Variants in FMN1 observed in about 807,000 individuals in gnomAD.
FMN1 encodes the protein formin-1.
FMN1 carries 110 observed loss-of-function variants against 132.4 expected under a neutral mutation model. The observed-to-expected ratio is 0.83, with a 90% CI of 0.71 to 0.97. The LOEUF (loss-of-function observed/expected upper bound fraction) is 0.97, where lower values mean the gene tolerates loss of function less well. Among genes scored for constraint, FMN1 ranks in the 50% least tolerant of loss-of-function variants. The pLI is 0.00. For synonymous variants in FMN1, 722 were observed against 651.7 expected, an observed-to-expected ratio of 1.11 and a Z score of -1.64; for missense variants, 1,792 against 1,705.3, an observed-to-expected ratio of 1.05 and a Z score of -0.90.
At chr15:32,884,169 A>C (rs1000323901) in intron 16 of FMN1, among the ~76,000 whole-genome samples, 1 of 152,218 alleles carries the variant, frequency 6.6e-6, no homozygotes. Flanking sequence ...TAGGAGGCTT[A>C]AAACACCAGA....
At chr15:33,134,737 C>T (rs977180292) in intron 4 of FMN1, among the ~76,000 whole-genome samples, 1 of 152,224 alleles carries the variant, frequency 6.6e-6, no homozygotes, top group Non-Finnish European at 1.5e-5. Context: ...TGCGGTGGCT[C>T]ACGCCTATAA....
rs144112604 is a variant in FMN1 at position 32,936,842 on chromosome 15, C to T, written c.3139-10581G>A. Among the ~76,000 whole-genome samples the T allele has an allele frequency of 1.1e-3, 161 of 152,302 alleles. 1 individual carries two copies. The highest frequency in any genetic ancestry group is 3.7e-3 in the African/African-American group (152 of 41,576). ...GAAAAGGTGAAACACTAGACACAAGCTCCACTCTTCTTTCCCCTGCAGTCC... is the reference window on the plus strand; with the variant it reads ...GAAAAGGTGAAACACTAGACACAAGTTCCACTCTTCTTTCCCCTGCAGTCC... On this transcript the variant is annotated intron_variant, in intron 9 of 20. Transcript: ENST00000616417.
intron 9 of FMN1, among the ~76,000 whole-genome samples, chr15:32,934,602 T>C (rs2061213075): frequency 6.7e-6 from 1 of 149,022 alleles, no homozygotes; most frequent in Non-Finnish European, 1.5e-5. Context: ...TTTTTCCTTT[T>C]TTTTTTTTTT....
chr15:32,999,343 A>G (rs555809184), intron 7 of FMN1, among the ~76,000 whole-genome samples: 388 of 152,372 alleles, frequency 2.5e-3, no homozygotes, highest in Non-Finnish European at 3.9e-3. Context: ...CAGCTCAAAT[A>G]GAGTCTGCAC....
At chr15:32,897,711 A>G (rs1219544268) in intron 15 of FMN1, among the ~76,000 whole-genome samples, 2 of 152,222 alleles carry the variant, frequency 1.3e-5, no homozygotes, top group African/African-American at 4.8e-5. Flanking sequence ...AGAGCTGTGT[A>G]AAGAGGGTGT....
At chr15:32,877,561 G>T (rs140179429) in intron 16 of FMN1, among the ~76,000 whole-genome samples, 1 of 152,124 alleles carries the variant, frequency 6.6e-6, no homozygotes, top group South Asian at 2.1e-4. Flanking sequence ...AGCATAGTAA[G>T]AATAATCATC....
intron 17 of FMN1, among the ~76,000 whole-genome samples, chr15:32,806,938 T>C (rs545659179): frequency 2.2e-4 from 34 of 152,302 alleles, no homozygotes; most frequent in African/African-American, 7.9e-4. Flanking sequence ...TCTATCTACC[T>C]AACAGACTAT....
chr15:32,833,542 T>C (rs947722554), intron 17 of FMN1, among the ~76,000 whole-genome samples: 8 of 151,644 alleles, frequency 5.3e-5, no homozygotes, highest in African/African-American at 1.9e-4. Flanking sequence ...GGTGAGTGAG[T>C]CAGTCACTCA....
At chr15:32,894,156 C>G (rs2060097350) in intron 15 of FMN1, among the ~76,000 whole-genome samples, 1 of 152,102 alleles carries the variant, frequency 6.6e-6, no homozygotes, top group African/African-American at 2.4e-5. Flanking sequence ...TCCAGTTCAG[C>G]AAGTTTTATC....
intron 6 of FMN1, among the ~76,000 whole-genome samples, chr15:33,048,051 T>G (rs550285631): frequency 6.6e-6 from 1 of 152,330 alleles, no homozygotes; most frequent in East Asian, 1.9e-4. Context: ...AAAACTGTAA[T>G]GCCTTTTAGT....
At chr15:32,842,650 T>C (rs566747491) in intron 17 of FMN1, among the ~76,000 whole-genome samples, 4 of 152,252 alleles carry the variant, frequency 2.6e-5, no homozygotes, top group African/African-American at 7.2e-5. Context: ...ACGTAAAAGT[T>C]TGAAAAAGTT....
In FMN1 at chr15:32,856,111, T is replaced by C. The variant is rs552060846; in HGVS notation, c.3928+904A>G. 2.0e-5 allele frequency among the ~76,000 whole-genome samples: 3 copies of C among 152,340 alleles called. No homozygotes were observed. The East Asian group carries it at 5.8e-4, about 29-fold the overall frequency. On this transcript the variant is annotated intron_variant, in intron 17 of 20. Transcript: ENST00000616417. ...CATAGACTGAGAATTTCCCTGCTGA[T>C]TCTCAAGCTGGTTTGGCCACACTTT...
intron 4 of FMN1, among the ~76,000 whole-genome samples, chr15:33,121,556 G>A (rs1404885010): frequency 6.6e-6 from 1 of 152,040 alleles, no homozygotes. Flanking sequence ...TTTTTAGATA[G>A]TCTTGCTCTG....
chr15:32,851,110 G>C (rs1363386623), intron 17 of FMN1, among the ~76,000 whole-genome samples: 1 of 152,110 alleles, frequency 6.6e-6, no homozygotes, highest in Non-Finnish European at 1.5e-5. Context: ...TCTAATCTCA[G>C]CTGGTCAAAG....
rs1236931160 is a variant in FMN1 at position 33,065,020 on chromosome 15, C to T, written c.2098G>A (p.Val700Ile). 1 of 1,612,190 alleles carries T rather than the reference C, an allele frequency of 6.2e-7. No individual in the cohort carries two copies. Among genetic ancestry groups the T allele is most frequent in the Non-Finnish European group, 8.5e-7 (1 of 1,179,126 alleles). Reference sequence around the variant, plus strand: ...TCTTTTGTCTTTGGGGGTGGCCAGACAGCTTGAAGTCTGCCAGGAGTCCTG... The same window carrying T: ...TCTTTTGTCTTTGGGGGTGGCCAGATAGCTTGAAGTCTGCCAGGAGTCCTG... Reference protein sequence around the residue: ...DDRTPGRLQAVWPPPKTKDTE... With the variant: ...DDRTPGRLQAIWPPPKTKDTE... Residue 700 changes from valine (V) to isoleucine (I), a missense_variant, in exon 6 of 21, where the codon GTC (valine) becomes ATC (isoleucine). This residue lies in a region of FMN1 where 1,150 missense variants were observed against 1,043.1 expected (regional missense o/e 1.10). Transcript: ENST00000616417.
chr15:32,843,033 A>T (rs750741473), intron 17 of FMN1, among the ~76,000 whole-genome samples: 1 of 152,044 alleles, frequency 6.6e-6, no homozygotes, highest in East Asian at 1.9e-4. Context: ...AGGCTGAGCC[A>T]GGAGAATCGC....
chr15:33,043,325 G>C (rs34292665), intron 6 of FMN1, among the ~76,000 whole-genome samples: 2,625 of 152,296 alleles, frequency 0.017, 35 homozygotes, highest in Non-Finnish European at 0.024. Context: ...GCCCACACCT[G>C]TGCCAATCAC....
intron 16 of FMN1, among the ~76,000 whole-genome samples, chr15:32,875,007 T>C (rs571464769): frequency 6.6e-6 from 1 of 152,246 alleles, no homozygotes; most frequent in African/African-American, 2.4e-5. Context: ...AGGAAAAGTT[T>C]CTGGTCCAGC....
Position 32,768,546 on chromosome 15 carries a change from C to T in FMN1, c.*5764G>A, listed in dbSNP as rs2056123513. The T allele has an allele frequency of 6.6e-6, 1 of 152,160 alleles. No homozygotes were observed. Among genetic ancestry groups the T allele is most frequent in the Admixed American group, 6.5e-5 (1 of 15,276 alleles). The allele number at this position is 152,160 out of a possible 1,614,324, so 9.4% of individuals were successfully genotyped here. ...AAGGTAGAGAGCCCCTCAGTGTCTG[C>T]ACAGGTAGAATTTAGGAAAATGTTC... On this transcript the variant is annotated 3_prime_UTR_variant, in exon 21 of 21. Coordinates refer to ENST00000616417, the MANE Select transcript of FMN1 (RefSeq NM_001277313.2).
Sources: allele counts gnomAD v4.1 joint callset (sites outside exome capture counted in the v4.1 genomes callset), GRCh38; gene constraint gnomAD v4.1.1; regional missense constraint gnomAD v4.1.1; transcripts MANE v1.5; gene names NCBI Gene and HGNC (gene_info 2026-07-23, HGNC 2026-07-21).